The following PPP2R2C variants were observed in gnomAD, a reference collection of about 807,000 sequenced individuals.
PPP2R2C encodes the protein protein phosphatase 2, regulatory subunit B, gamma.
Under a neutral mutation model 45.3 loss-of-function variants are expected in PPP2R2C, and 10 were observed. The ratio of observed to expected loss-of-function variants is 0.22; its 90% CI spans 0.14 to 0.37. PPP2R2C has a LOEUF of 0.37. Among genes scored for constraint, PPP2R2C ranks in the 10% least tolerant of loss-of-function variants. The probability of loss-of-function intolerance (pLI) is 1.00; values close to 1 mark genes in which losing one functional copy is unlikely to be tolerated. For synonymous variants in PPP2R2C, 257 were observed against 245.4 expected (o/e 1.05, Z -0.44); for missense variants, 308 against 619.7 (o/e 0.50, Z 5.34).
chr4:6,387,144 T>C (rs1206248965), intron 1 of PPP2R2C, among the ~76,000 whole-genome samples: 1 of 152,030 alleles, frequency 6.6e-6, no homozygotes, highest in Non-Finnish European at 1.5e-5. Context: ...ATTGGAGTTG[T>C]AGAGGGAGGG....
rs1321935185 is a variant in PPP2R2C at position 6,329,381 on chromosome 4, G to A, written c.961-28C>T. Reference sequence around the variant, plus strand: ...GGTGGGATAAGGGATGAGGTGAGTGGACGGGGCGTCCCGACCATCCTGGCC... The same window carrying A: ...GGTGGGATAAGGGATGAGGTGAGTGAACGGGGCGTCCCGACCATCCTGGCC... On this transcript the variant is annotated intron_variant, in intron 7 of 8. Transcript: ENST00000382599. The surrounding 1 kb of genome is among the most constrained non-coding windows in gnomAD (Gnocchi z 5.8). The A allele has an allele frequency of 6.3e-7, 1 of 1,591,534 alleles. No homozygotes were observed. The highest frequency in any genetic ancestry group is 8.6e-7 in the Non-Finnish European group (1 of 1,159,600).
intron 1 of PPP2R2C, among the ~76,000 whole-genome samples, chr4:6,402,072 T>C (rs575259605): frequency 6.6e-6 from 1 of 152,218 alleles, no homozygotes; most frequent in Non-Finnish European, 1.5e-5. Context: ...AACTACCTTC[T>C]GGGGCTTCAG....
At chr4:6,500,428 G>A (rs536583031) in intron 2 of PPP2R2C, among the ~76,000 whole-genome samples, 3 of 152,222 alleles carry the variant, frequency 2.0e-5, no homozygotes, top group Admixed American at 6.5e-5. Context: ...GATTACAGGC[G>A]TGAGCCATTG....
At chr4:6,351,559 A>C (rs1215880611) in intron 5 of PPP2R2C, among the ~76,000 whole-genome samples, 3 of 152,148 alleles carry the variant, frequency 2.0e-5, no homozygotes, top group Non-Finnish European at 4.4e-5. Flanking sequence ...GGGAGCCATC[A>C]CAGGGGAATC....
intron 2 of PPP2R2C, among the ~76,000 whole-genome samples, chr4:6,510,664 C>A (rs1443781005): frequency 6.6e-6 from 1 of 152,084 alleles, no homozygotes; most frequent in Non-Finnish European, 1.5e-5. Flanking sequence ...GTGCCTGATA[C>A]GGAGGAGGCC....
chr4:6,385,897 T>A (rs1472041772), intron 1 of PPP2R2C, among the ~76,000 whole-genome samples: 2 of 152,160 alleles, frequency 1.3e-5, no homozygotes, highest in African/African-American at 4.8e-5. Flanking sequence ...CATTGTGTGC[T>A]CTTCACTAGG....
At chr4:6,365,741 G>A (rs546834733) in intron 5 of PPP2R2C, among the ~76,000 whole-genome samples, 26 of 152,290 alleles carry the variant, frequency 1.7e-4, no homozygotes, top group Middle Eastern at 3.4e-3. Flanking sequence ...CAGCCCACCT[G>A]GCCGTGCGGA....
intron 1 of PPP2R2C, among the ~76,000 whole-genome samples, chr4:6,402,182 A>C (rs1717461985): frequency 6.6e-6 from 1 of 152,178 alleles, no homozygotes; most frequent in Non-Finnish European, 1.5e-5. Context: ...TCGAAGGCAA[A>C]GGTGCCCTGC....
At chr4:6,466,933 A>G (rs901312907) in intron 1 of PPP2R2C, among the ~76,000 whole-genome samples, 3 of 152,156 alleles carry the variant, frequency 2.0e-5, no homozygotes, top group Non-Finnish European at 2.9e-5. Context: ...CTACACTACA[A>G]TTTGGGGAAA....
At chr4:6,349,196 G>A in intron 5 of PPP2R2C, 4 of 985,268 alleles carry the variant, frequency 4.1e-6, no homozygotes, top group Non-Finnish European at 3.6e-6. Flanking sequence ...TCAGGCTCCG[G>A]TCTCCCCGGC....
intron 1 of PPP2R2C, among the ~76,000 whole-genome samples, chr4:6,409,819 A>G (rs1177027318): frequency 6.6e-6 from 1 of 152,148 alleles, no homozygotes; most frequent in African/African-American, 2.4e-5. Context: ...CCGCTCCCCA[A>G]ACATGCGGTG....
At chr4:6,390,784 C>G (rs1023881490) in intron 1 of PPP2R2C, among the ~76,000 whole-genome samples, 3 of 152,216 alleles carry the variant, frequency 2.0e-5, no homozygotes, top group African/African-American at 7.2e-5. Flanking sequence ...GCCCTCTGCA[C>G]TCACCTAGTC....
intron 1 of PPP2R2C, chr4:6,383,360 T>C: frequency 7.8e-7 from 1 of 1,289,724 alleles, no homozygotes; most frequent in Middle Eastern, 2.1e-4. Flanking sequence ...TTTACTGTTG[T>C]ATGCACGGGG....
intron 2 of PPP2R2C, among the ~76,000 whole-genome samples, chr4:6,491,239 A>G (rs1239802567): frequency 1.3e-5 from 2 of 152,236 alleles, no homozygotes; most frequent in African/African-American, 4.8e-5. Flanking sequence ...CAAGGAGGCC[A>G]GTAAGTGGCT....
intron 1 of PPP2R2C, among the ~76,000 whole-genome samples, chr4:6,555,977 G>C (rs980364966): frequency 3.3e-5 from 5 of 152,156 alleles, no homozygotes; most frequent in Non-Finnish European, 5.9e-5. Flanking sequence ...GCCCTATTTT[G>C]TGTGTGAGCC....
intron 1 of PPP2R2C, among the ~76,000 whole-genome samples, chr4:6,554,366 G>A (rs555080559): frequency 2.5e-4 from 38 of 152,228 alleles, no homozygotes; most frequent in Non-Finnish European, 4.7e-4. Context: ...AGGGGTACAG[G>A]ACAGATTCCC....
At chr4:6,392,593 T>C (rs1414781605) in intron 1 of PPP2R2C, among the ~76,000 whole-genome samples, 1 of 152,136 alleles carries the variant, frequency 6.6e-6, no homozygotes, top group Non-Finnish European at 1.5e-5. Context: ...GAGTTTGATC[T>C]GTTGCAGGCC....
rs542818520 is a variant in PPP2R2C at position 6,487,292 on chromosome 4, T to C, written c.49+47979A>G. ...AAATATCATATCCGACCTATGTAGT[T>C]ACTACTCTGCTCTTTGATCCTTTGC... On this transcript the variant is annotated intron_variant, in intron 2 of 9. Transcript: ENST00000506140. Among the ~76,000 whole-genome samples, 5 of 152,024 alleles carry C rather than the reference T, an allele frequency of 3.3e-5. No individual in the cohort carries two copies. The East Asian group carries it at 5.8e-4, about 18-fold the overall frequency.
At chr4:6,365,592 C>T (rs1714230834) in intron 5 of PPP2R2C, among the ~76,000 whole-genome samples, 1 of 152,206 alleles carries the variant, frequency 6.6e-6, no homozygotes, top group Non-Finnish European at 1.5e-5. Context: ...GGTCCCTTGG[C>T]CCAGCACAGA....
Sources: gnomAD v4.1 joint callset for allele counts (sites outside exome capture counted in the v4.1 genomes callset) on GRCh38, gnomAD v4.1.1 for gene constraint, Gnocchi (gnomAD v3.1) non-coding constraint, MANE v1.5 for transcripts, NCBI Gene and HGNC (gene_info 2026-07-23, HGNC 2026-07-21) for gene names.